CAMK1D: variants seen among roughly 807,000 people sequenced by gnomAD.
The protein encoded by CAMK1D is calcium/calmodulin-dependent protein kinase type 1D.
CAMK1D carries 9 observed loss-of-function variants against 47.7 expected under a neutral mutation model. The ratio of observed to expected loss-of-function variants is 0.19; its 90% CI spans 0.11 to 0.33. The LOEUF is 0.33. Among genes scored for constraint, CAMK1D ranks in the 10% least tolerant of loss-of-function variants. The pLI, the probability that CAMK1D is intolerant of heterozygous loss-of-function variation, is 1.00. For missense variants in CAMK1D, 291 were observed against 488.7 expected, an observed-to-expected ratio of 0.60 and a Z score of 3.81; for synonymous variants, 184 against 184.9, an observed-to-expected ratio of 0.99 and a Z score of 0.04.
intron 1 of CAMK1D, among the ~76,000 whole-genome samples, chr10:12,517,998 C>T (rs1254713080): frequency 6.6e-6 from 1 of 152,164 alleles, no homozygotes; most frequent in Non-Finnish European, 1.5e-5. Flanking sequence ...TGCAATTCAT[C>T]AGTGAAATTA....
chr10:12,425,426 C>T (rs1165091178), intron 1 of CAMK1D, among the ~76,000 whole-genome samples: 2 of 151,976 alleles, frequency 1.3e-5, no homozygotes, highest in South Asian at 2.1e-4. Flanking sequence ...AGACTATACA[C>T]GTGTGCCACC....
rs1276182328 is a variant in CAMK1D, at chr10:12,519,341, C to T, written c.93-33884C>T. ...CCGGGCAGAGGCGCCCCTCACCTCC[C>T]GGACGGGGGGCTGACCCCCCCACCT... On this transcript the variant is annotated intron_variant, in intron 1 of 10. Coordinates refer to ENST00000619168, the MANE Select transcript of CAMK1D (RefSeq NM_153498.4). Among the ~76,000 whole-genome samples the T allele has an allele frequency of 1.8e-4, 8 of 45,520 alleles. 2 individuals carry two copies. The highest frequency in any genetic ancestry group is 3.1e-4 in the Non-Finnish European group (7 of 22,468). 29.9% of individuals were successfully genotyped at this position (45,520 alleles called of 152,430 possible).
chr10:12,596,351 T>C (rs1004772992), intron 2 of CAMK1D, among the ~76,000 whole-genome samples: 5 of 152,142 alleles, frequency 3.3e-5, no homozygotes, highest in Non-Finnish European at 7.4e-5. Flanking sequence ...ATTTATTTGA[T>C]TGGCTCCAGC....
At chr10:12,377,421 C>G (rs1205429427) in intron 1 of CAMK1D, among the ~76,000 whole-genome samples, 1 of 152,166 alleles carries the variant, frequency 6.6e-6, no homozygotes, top group East Asian at 1.9e-4. Context: ...GGATGTTGTC[C>G]TGGTCACTTA....
chr10:12,491,706 G>A (rs891858827), intron 1 of CAMK1D, among the ~76,000 whole-genome samples: 1 of 152,008 alleles, frequency 6.6e-6, no homozygotes, highest in Non-Finnish European at 1.5e-5. Context: ...CAGGAAGGCC[G>A]GCCGCCGATT....
At chr10:12,585,627 A>G (rs1413668694) in intron 2 of CAMK1D, among the ~76,000 whole-genome samples, 1 of 152,214 alleles carries the variant, frequency 6.6e-6, no homozygotes, top group East Asian at 1.9e-4. Flanking sequence ...GAGCCAAGTG[A>G]AAGGGGTTTC....
At chr10:12,449,884 A>G (rs1833032402) in intron 1 of CAMK1D, among the ~76,000 whole-genome samples, 1 of 152,206 alleles carries the variant, frequency 6.6e-6, no homozygotes, top group African/African-American at 2.4e-5. Flanking sequence ...CTGTAATCCC[A>G]GCTAACTGGG....
At chr10:12,751,038 G>A (rs936381833) in intron 3 of CAMK1D, among the ~76,000 whole-genome samples, 1 of 150,538 alleles carries the variant, frequency 6.6e-6, no homozygotes, top group Non-Finnish European at 1.5e-5. Context: ...GGGTGACGGA[G>A]CCCGTCTCCC....
At chr10:12,565,921 T>C (rs1229848537) in intron 2 of CAMK1D, among the ~76,000 whole-genome samples, 2 of 151,950 alleles carry the variant, frequency 1.3e-5, no homozygotes, top group African/African-American at 2.4e-5. Flanking sequence ...AGGTGTTCAC[T>C]AATGGTGAAA....
At chr10:12,559,797 G>T (rs1836879090) in intron 2 of CAMK1D, among the ~76,000 whole-genome samples, 1 of 152,102 alleles carries the variant, frequency 6.6e-6, no homozygotes, top group Admixed American at 6.5e-5. Context: ...GGGAGGCTGG[G>T]GTAGGGTGTG....
chr10:12,634,973 G>A (rs1253863945), intron 2 of CAMK1D, among the ~76,000 whole-genome samples: 2 of 152,206 alleles, frequency 1.3e-5, no homozygotes, highest in South Asian at 2.1e-4. Flanking sequence ...TCATTTGGCA[G>A]ATGCCATATA....
chr10:12,694,988 G>C (rs959834248), intron 3 of CAMK1D, among the ~76,000 whole-genome samples: 1 of 151,914 alleles, frequency 6.6e-6, no homozygotes, highest in Non-Finnish European at 1.5e-5. Flanking sequence ...ATAAATCCTC[G>C]TTGGAGTGGA....
At chr10:12,827,019 G>A (rs1045272191) in intron 10 of CAMK1D, among the ~76,000 whole-genome samples, 4 of 152,218 alleles carry the variant, frequency 2.6e-5, no homozygotes, top group Non-Finnish European at 2.9e-5. Context: ...ACATCCTCTG[G>A]GGGAGGGCTT....
intron 1 of CAMK1D, among the ~76,000 whole-genome samples, chr10:12,406,851 C>G (rs1588451385): frequency 6.6e-6 from 1 of 150,636 alleles, no homozygotes; most frequent in African/African-American, 2.4e-5. Context: ...CTTATGTGGG[C>G]TATTCTAGCT....
intron 2 of CAMK1D, among the ~76,000 whole-genome samples, chr10:12,618,882 A>T (rs1838905330): frequency 6.6e-6 from 1 of 152,200 alleles, no homozygotes; most frequent in Admixed American, 6.5e-5. Context: ...GTATATTATT[A>T]ATTCTGTTTT....
At chr10:12,382,938 A>AT (rs754496255) in intron 1 of CAMK1D, among the ~76,000 whole-genome samples, 3,292 of 144,654 alleles carry the variant, frequency 0.023, 66 homozygotes, top group African/African-American at 0.057. Flanking sequence ...GCAAGTAGCA[A>AT]TTTTTTTTTT....
At chr10:12,415,493 T>G in intron 1 of CAMK1D, among the ~76,000 whole-genome samples, 1 of 138,600 alleles carries the variant, frequency 7.2e-6, no homozygotes, top group Admixed American at 7.6e-5. Flanking sequence ...AGAGATGAGG[T>G]TTCACCATGT....
At chr10:12,562,972 C>T (rs143227285) in intron 2 of CAMK1D, among the ~76,000 whole-genome samples, 1 of 152,304 alleles carries the variant, frequency 6.6e-6, no homozygotes, top group African/African-American at 2.4e-5. Context: ...GCTTTGGTGA[C>T]TGTATTAGTT....
chr10:12,475,859 G>T (rs1833886800), intron 1 of CAMK1D, among the ~76,000 whole-genome samples: 1 of 152,122 alleles, frequency 6.6e-6, no homozygotes, highest in African/African-American at 2.4e-5. Flanking sequence ...CATGCTAGAG[G>T]CATGGCTCCC....
Sources: allele counts gnomAD v4.1 joint callset (sites outside exome capture counted in the v4.1 genomes callset), GRCh38; gene constraint gnomAD v4.1.1; transcripts MANE v1.5; gene names NCBI Gene and HGNC (gene_info 2026-07-23, HGNC 2026-07-21).